Variants in TMEM135 observed in about 807,000 individuals in gnomAD.
TMEM135 encodes peroxisomal membrane protein 52.
In TMEM135, 30 loss-of-function variants were observed where a neutral mutation model predicts 60.3. That is an observed-to-expected ratio of 0.50 (90% CI 0.37 to 0.68). TMEM135 has a LOEUF of 0.68. TMEM135 is among the 30% of genes least tolerant of loss of function. The probability of loss-of-function intolerance (pLI) is 0.00; values close to 1 mark genes in which losing one functional copy is unlikely to be tolerated. For missense variants in TMEM135, 468 were observed against 548.8 expected, an observed-to-expected ratio of 0.85 and a Z score of 1.47; for synonymous variants, 190 against 186.7, an observed-to-expected ratio of 1.02 and a Z score of -0.14.
chr11:87,239,583 A>C (rs1488276340), intron 6 of TMEM135, among the ~76,000 whole-genome samples: 1 of 152,048 alleles, frequency 6.6e-6, no homozygotes, highest in Non-Finnish European at 1.5e-5. Flanking sequence ...TTGGATAGTC[A>C]AATGATATTG....
At chr11:87,259,113 A>G in intron 6 of TMEM135, 2 of 851,896 alleles carry the variant, frequency 2.3e-6, no homozygotes, top group Non-Finnish European at 3.9e-6. Flanking sequence ...CCTCTTCGGA[A>G]ACATCTCCAT....
At chr11:87,258,170 T>C (rs925677818) in intron 6 of TMEM135, among the ~76,000 whole-genome samples, 1 of 142,564 alleles carries the variant, frequency 7.0e-6, no homozygotes, top group African/African-American at 2.6e-5. Context: ...TTTACTGTAT[T>C]CTGTGTTTAT....
intron 5 of TMEM135, among the ~76,000 whole-genome samples, chr11:87,222,536 G>C (rs1298755261): frequency 6.6e-6 from 1 of 151,772 alleles, no homozygotes; most frequent in Non-Finnish European, 1.5e-5. Flanking sequence ...GAGCGTGGTG[G>C]CCCACGCCTC....
At chr11:87,238,130 G>A (rs1174319365) in intron 6 of TMEM135, among the ~76,000 whole-genome samples, 1 of 151,908 alleles carries the variant, frequency 6.6e-6, no homozygotes, top group African/African-American at 2.4e-5. Flanking sequence ...AAACATGGGA[G>A]TACAGATATC....
At chr11:87,085,101 A>G (rs1857068033) in intron 3 of TMEM135, among the ~76,000 whole-genome samples, 1 of 152,254 alleles carries the variant, frequency 6.6e-6, no homozygotes, top group African/African-American at 2.4e-5. Flanking sequence ...GTAGTGCTTA[A>G]CATAACTGAA....
In TMEM135 at chr11:87,204,247, GA is replaced by G. The variant is rs1320436675; in HGVS notation, c.463-32389del. Among the ~76,000 whole-genome samples the G allele has an allele frequency of 4.0e-5, 6 of 151,574 alleles. No homozygotes were observed. The East Asian group carries it at 1.2e-3, about 29-fold the overall frequency. On this transcript the variant is annotated intron_variant, in intron 5 of 14. Coordinates refer to ENST00000305494, the MANE Select transcript of TMEM135 (RefSeq NM_022918.4). ...TGTAGCCACTGTTTGTTGAGGGAAT[GA>G]ATGAAATGAATATTCGTACAATTTT...
At chr11:87,225,903 A>G (rs498059) in intron 5 of TMEM135, among the ~76,000 whole-genome samples, 9,748 of 152,126 alleles carry the variant, frequency 0.064, 394 homozygotes, top group South Asian at 0.12. Flanking sequence ...ACCATTAATA[A>G]TTTATTATTA....
At chr11:87,111,470 A>C (rs1303611697) in intron 4 of TMEM135, among the ~76,000 whole-genome samples, 2 of 151,478 alleles carry the variant, frequency 1.3e-5, no homozygotes, top group Admixed American at 6.6e-5. Flanking sequence ...ACATGATGAA[A>C]CCCTGTCTCT....
At chr11:87,105,988 C>CT (rs1355197920) in intron 4 of TMEM135, among the ~76,000 whole-genome samples, 1 of 152,134 alleles carries the variant, frequency 6.6e-6, no homozygotes, top group Non-Finnish European at 1.5e-5. Context: ...AGGAGATCAA[C>CT]TTTTTTAGCT....
intron 2 of TMEM135, among the ~76,000 whole-genome samples, chr11:87,070,963 T>TTAAGAG (rs2135141419): frequency 6.6e-6 from 1 of 152,270 alleles, no homozygotes; most frequent in Non-Finnish European, 1.5e-5. Context: ...CTCTGGGAAA[T>TTAAGAG]ATCTCATATA....
chr11:87,122,126 AC>A (rs1937608337), intron 4 of TMEM135, among the ~76,000 whole-genome samples: 1 of 152,132 alleles, frequency 6.6e-6, no homozygotes, highest in Non-Finnish European at 1.5e-5. Context: ...TCCATTTTGT[AC>A]TATTTTCAGG....
At chr11:87,203,922 C>A (rs1940177836) in intron 5 of TMEM135, among the ~76,000 whole-genome samples, 7 of 152,112 alleles carry the variant, frequency 4.6e-5, no homozygotes, top group Admixed American at 4.6e-4. Context: ...GTATTGGTAT[C>A]TTATCGTTCG....
rs185441127 is a variant in TMEM135 at position 87,054,088 on chromosome 11, A to G, written c.142-13606A>G. On this transcript the variant is annotated intron_variant, in intron 1 of 14. Transcript: ENST00000305494. ...ATAATTATACTTGAGGGGAATCAAT[A>G]ACTGAAATAAATTAAAGAAGATTTT... Among the ~76,000 whole-genome samples the G allele has an allele frequency of 3.4e-3, 513 of 152,330 alleles. 6 individuals carry two copies. Among genetic ancestry groups the G allele is most frequent in the African/African-American group, 0.012 (486 of 41,564 alleles).
At chr11:87,296,327 G>T (rs1279969290) in intron 7 of TMEM135, among the ~76,000 whole-genome samples, 1 of 152,108 alleles carries the variant, frequency 6.6e-6, no homozygotes, top group Admixed American at 6.5e-5. Context: ...ATATTTTATA[G>T]TTCACCAAGA....
intron 5 of TMEM135, among the ~76,000 whole-genome samples, chr11:87,167,308 G>C (rs757086492): frequency 6.6e-6 from 1 of 152,076 alleles, no homozygotes; most frequent in Non-Finnish European, 1.5e-5. Context: ...TCTTTCTCTT[G>C]CCGGATTGCC....
At chr11:87,251,325 A>C (rs1203023892) in intron 6 of TMEM135, among the ~76,000 whole-genome samples, 1 of 152,186 alleles carries the variant, frequency 6.6e-6, no homozygotes, top group Admixed American at 6.5e-5. Flanking sequence ...AAGCATAGGC[A>C]GTAGGAAAGG....
intron 6 of TMEM135, among the ~76,000 whole-genome samples, chr11:87,276,529 CAT>C (rs1478437229): frequency 2.0e-5 from 3 of 151,380 alleles, no homozygotes; most frequent in East Asian, 3.9e-4. Flanking sequence ...TATACACACA[CAT>C]ATATACTTAA....
intron 6 of TMEM135, among the ~76,000 whole-genome samples, chr11:87,242,594 G>A (rs1312934593): frequency 8.5e-6 from 1 of 117,412 alleles, no homozygotes; most frequent in African/African-American, 3.2e-5. Context: ...GCATTTCTCT[G>A]ATGGCCAGTG....
In TMEM135 at chr11:87,060,759, C is replaced by T. The variant is rs1001844401; in HGVS notation, c.142-6935C>T. Among the ~76,000 whole-genome samples the T allele has an allele frequency of 4.9e-4, 75 of 151,874 alleles. 1 individual carries two copies. The highest frequency in any genetic ancestry group is 4.7e-3 in the Admixed American group (72 of 15,242). ...CCGGGGTCATGCCATTCTCCTGCCT[C>T]AGCCTCCTGAGTAGCTGGGAGTACA... is the stretch of plus-strand genomic sequence containing the variant. On this transcript the variant is annotated intron_variant, in intron 1 of 14. Coordinates refer to ENST00000305494, the MANE Select transcript of TMEM135 (RefSeq NM_022918.4).
Sources: allele counts gnomAD v4.1 joint callset (sites outside exome capture counted in the v4.1 genomes callset), GRCh38; gene constraint gnomAD v4.1.1; transcripts MANE v1.5; gene names NCBI Gene and HGNC (gene_info 2026-07-23, HGNC 2026-07-21).